The following SPDL1 variants were observed in gnomAD, a reference collection of about 807,000 sequenced individuals.
The protein encoded by SPDL1 is spindle apparatus coiled-coil protein 1.
Under a neutral mutation model 79.5 loss-of-function variants are expected in SPDL1, and 85 were observed. The ratio of observed to expected loss-of-function variants is 1.07; its 90% CI spans 0.90 to 1.28. The LOEUF (loss-of-function observed/expected upper bound fraction) is 1.28. Ranked by LOEUF, SPDL1 falls within the 50% of genes most tolerant of loss-of-function variation. The probability of loss-of-function intolerance (pLI) is 0.00; values close to 1 mark genes in which losing one functional copy is unlikely to be tolerated. For missense variants in SPDL1, 703 were observed against 697.8 expected, an observed-to-expected ratio of 1.01 and a Z score of -0.08; for synonymous variants, 269 against 240.3, an observed-to-expected ratio of 1.12 and a Z score of -1.10.
At chr5:169,600,194 C>G (rs1360120095) in intron 10 of SPDL1, among the ~76,000 whole-genome samples, 2 of 152,184 alleles carry the variant, frequency 1.3e-5, no homozygotes, top group African/African-American at 4.8e-5. Flanking sequence ...GCCTCAGTCT[C>G]TCTTCGTATT....
At position 169,603,971 on chromosome 5, in the gene SPDL1, CT is replaced by C. The variant is rs1756061808; in HGVS notation, c.1671-87del. On this transcript the variant is annotated intron_variant, in intron 11 of 11. Coordinates refer to ENST00000265295, the MANE Select transcript of SPDL1 (RefSeq NM_017785.5). Reference sequence around the variant, plus strand: ...TATTTTTTTTCCTTGAATACCATGCCTTATTGGAGGCCCATTATACTGGGGG... The same window carrying C: ...TATTTTTTTTCCTTGAATACCATGCCTATTGGAGGCCCATTATACTGGGGG... 9.3e-6 allele frequency: 13 copies of C among 1,404,514 alleles called. No homozygotes were observed. In the South Asian group the frequency reaches 1.5e-4, roughly 17 times the overall value. The allele number at this position is 1,404,514 out of a possible 1,614,324, so 87.0% of individuals were successfully genotyped here.
At position 169,602,333 on chromosome 5, in the gene SPDL1, C is replaced by T. The variant is rs576863653; in HGVS notation, c.1670+708C>T. Among the ~76,000 whole-genome samples, 41 of 152,070 alleles carry T rather than the reference C, an allele frequency of 2.7e-4. 3 individuals carry two copies. In the South Asian group the frequency reaches 8.1e-3, roughly 30 times the overall value. On this transcript the variant is annotated intron_variant, in intron 11 of 11. Coordinates refer to ENST00000265295, the MANE Select transcript of SPDL1 (RefSeq NM_017785.5). ...GGCTGAGGCTCGAGTTCTGGATGTG[C>T]GCAGCAGGAGAAGTGAATGAGGAAA...
chr5:169,601,737 T>A, intron 11 of SPDL1, 112 bp downstream of exon 11: 1 of 1,007,060 alleles, frequency 9.9e-7, no homozygotes, highest in Non-Finnish European at 1.5e-6. Flanking sequence ...TTGCATGCAG[T>A]ATAATTCCTC....
intron 3 of SPDL1, among the ~76,000 whole-genome samples, chr5:169,591,723 G>A (rs965719020): frequency 1.3e-5 from 2 of 152,176 alleles, no homozygotes; most frequent in East Asian, 3.8e-4. Flanking sequence ...CCATATACCA[G>A]ATGAAAGAGC....
intron 11 of SPDL1, chr5:169,602,144 ACT>A: frequency 5.9e-6 from 1 of 169,234 alleles, no homozygotes; most frequent in Non-Finnish European, 1.3e-5. Context: ...TGTTTCCAAA[ACT>A]TGAAAGCCTC....
chr5:169,604,105 A>C lies in SPDL1; in HGVS notation c.1716A>C (p.Lys572Asn). Residue 572 changes from lysine (K) to asparagine (N), a missense_variant, in exon 12 of 12, where the codon AAA becomes AAC. Coordinates refer to ENST00000265295, the MANE Select transcript of SPDL1 (RefSeq NM_017785.5). Reference sequence around the variant, plus strand: ...TTCAAACAGAAGTTAAAGAAGGAAAAGAAACTTCAAGCAAATTGGAAAAAG... The same window carrying C: ...TTCAAACAGAAGTTAAAGAAGGAAACGAAACTTCAAGCAAATTGGAAAAAG... Reference protein sequence around the residue: ...SKLQTEVKEGKETSSKLEKET... With the variant: ...SKLQTEVKEGNETSSKLEKET... 6.2e-7 allele frequency: 1 copy of C among 1,613,346 alleles called. No homozygotes were observed. The highest frequency in any genetic ancestry group is 8.5e-7 in the Non-Finnish European group (1 of 1,179,746).
rs1191999072 is a variant in SPDL1 at position 169,588,391 on chromosome 5, C to A, written c.-23-3C>A. 1.3e-6 allele frequency: 2 copies of A among 1,581,494 alleles called. No homozygotes were observed. Among genetic ancestry groups the A allele is most frequent in the Non-Finnish European group, 1.7e-6 (2 of 1,167,464 alleles). The stretch of plus-strand genomic sequence containing the variant: ...TAAGTAGTTTTATTTCCTCTATTTA[C>A]AGTTGGCTAAAAAAAAGAAAAGAAC... On this transcript the variant is annotated splice_region_variant and splice_polypyrimidine_tract_variant and intron_variant, in intron 1 of 11. Transcript: ENST00000265295.
chr5:169,588,286 T>C, intron 1 of SPDL1, 108 bp from the exon 2 acceptor site: 2 of 711,434 alleles, frequency 2.8e-6, no homozygotes, highest in East Asian at 3.0e-5. Flanking sequence ...AAAATTTTAA[T>C]GTTTTTATAC....
intron 1 of SPDL1, among the ~76,000 whole-genome samples, chr5:169,587,552 A>G (rs1755050390): frequency 6.6e-6 from 1 of 152,234 alleles, no homozygotes; most frequent in African/African-American, 2.4e-5. Flanking sequence ...TTTATGAATA[A>G]CTAGAAAAAT....
intron 1 of SPDL1, among the ~76,000 whole-genome samples, chr5:169,586,851 T>C (rs984751624): frequency 2.0e-5 from 3 of 152,128 alleles, no homozygotes; most frequent in African/African-American, 7.2e-5. Context: ...GCAGCCAAAA[T>C]GATTCTTTTA....
chr5:169,588,554 T>G lies in SPDL1; in HGVS notation c.138T>G (p.Asn46Lys). 1.9e-6 allele frequency: 3 copies of G among 1,612,894 alleles called. No individual in the cohort carries two copies. The highest frequency in any genetic ancestry group is 3.3e-5 in the Admixed American group (2 of 59,804). ...ELQNQLDKCRNEMMTMTESYE... is the reference protein window; with the variant it reads ...ELQNQLDKCRKEMMTMTESYE... ...AGAATCAATTGGATAAATGTCGTAA[T>G]GAAATGATGACCATGACTGAGGTAG... Residue 46 changes from asparagine to lysine, a missense_variant, in exon 2 of 12, where the codon AAT becomes AAG. Coordinates refer to ENST00000265295, the MANE Select transcript of SPDL1 (RefSeq NM_017785.5).
At position 169,599,161 on chromosome 5, in the gene SPDL1, T is replaced by C; in HGVS notation, c.1324+2T>C. 2 of 1,432,416 alleles carry C rather than the reference T, an allele frequency of 1.4e-6. No individual in the cohort carries two copies. The highest frequency in any genetic ancestry group is 1.9e-6 in the Non-Finnish European group (2 of 1,058,180). 88.7% of individuals were successfully genotyped at this position (1,432,416 alleles called of 1,614,324 possible). A position where few individuals can be genotyped will look rare whatever the true frequency, so the allele number is the denominator to read the frequency against. On this transcript the variant is annotated splice_donor_variant, in intron 10 of 11. Transcript: ENST00000265295. LOFTEE classifies it high-confidence loss of function. The stretch of plus-strand genomic sequence containing the variant: ...TGAAACTAAAATATGAACCTGAAGG[T>C]ATATATGTCTCATATATTTTTGTCT...
rs1554131978 is a variant in SPDL1, at chr5:169,601,560, C to T, written c.1605C>T (p.Leu535=). The change falls in exon 11 of 12, where the codon CTC becomes CTT. Residue 535 remains leucine (L), a synonymous_variant. Transcript: ENST00000265295. ...QLKKEKKCVK[L]IGVPADAEAL... ...AGAAGGAAAAGAAATGTGTGAAACT[C>T]ATAGGAGTTCCCGCTGACGCTGAGG... 2 of 1,614,206 alleles carry T rather than the reference C, an allele frequency of 1.2e-6. No individual in the cohort carries two copies. Among genetic ancestry groups the T allele is most frequent in the Non-Finnish European group, 1.7e-6 (2 of 1,180,040 alleles).
rs146797631 is a variant in SPDL1 at position 169,601,203 on chromosome 5, C to G, written c.1325-77C>G. On this transcript the variant is annotated intron_variant, in intron 10 of 11. Coordinates refer to ENST00000265295, the MANE Select transcript of SPDL1 (RefSeq NM_017785.5). ...AGAATGGAAAAAGGTATACATATAA[C>G]TAGTTCTGGCTTCTTGTGTTGATTG... The G allele has an allele frequency of 1.0e-5, 13 of 1,293,978 alleles. No homozygotes were observed. In the South Asian group the frequency reaches 1.8e-4, roughly 17 times the overall value. 80.2% of individuals were successfully genotyped at this position (1,293,978 alleles called of 1,614,324 possible).
At chr5:169,587,593 T>G (rs547260424) in intron 1 of SPDL1, among the ~76,000 whole-genome samples, 1 of 152,362 alleles carries the variant, frequency 6.6e-6, no homozygotes, top group South Asian at 2.1e-4. Flanking sequence ...GAAAGCAGAT[T>G]TAATATATTC....
rs1756099831 is a variant in SPDL1, at chr5:169,604,758, C to G, written c.*551C>G. 6.6e-6 allele frequency: 1 copy of G among 152,066 alleles called. No homozygotes were observed. The highest frequency in any genetic ancestry group is 2.1e-4 in the South Asian group (1 of 4,828). 9.4% of individuals were successfully genotyped at this position (152,066 alleles called of 1,614,324 possible). On this transcript the variant is annotated 3_prime_UTR_variant, in exon 12 of 12. Transcript: ENST00000265295. ...ATTTTGTCTAAAATTTTAAATAAAA[C>G]TGCAGTGATTTATCCTTAAATTTCT...
At chr5:169,602,284 T>C (rs2113396649) in intron 11 of SPDL1, among the ~76,000 whole-genome samples, 1 of 152,224 alleles carries the variant, frequency 6.6e-6, no homozygotes, top group South Asian at 2.1e-4. Flanking sequence ...AGAAAGTGAA[T>C]GGAAGGGAAA....
chr5:169,604,176 C>G lies in SPDL1; in HGVS notation c.1787C>G (p.Ser596Cys), dbSNP rs781224343. 1 of 1,606,402 alleles carries G rather than the reference C, an allele frequency of 6.2e-7. No homozygotes were observed. The highest frequency in any genetic ancestry group is 8.5e-7 in the Non-Finnish European group (1 of 1,177,364). ...CCTATTCTATATGTGTCTTCTAAAT[C>G]TACTCCAGAGACCCAGTGCCCTCAA... is the stretch of plus-strand genomic sequence containing the variant. ...LHPILYVSSK[S>C]TPETQCPQQ The change falls in exon 12 of 12, where the codon TCT (serine) becomes TGT (cysteine). Residue 596 changes from serine to cysteine, a missense_variant. By Grantham distance (112) the Ser-to-Cys change is moderately radical. Transcript: ENST00000265295.
rs749690829 is a variant in SPDL1 at position 169,599,057 on chromosome 5, C to G, written c.1222C>G (p.Arg408Gly). The change falls in exon 10 of 12, where the codon CGA becomes GGA. Residue 408 changes from arginine (R) to glycine (G), a missense_variant. Transcript: ENST00000265295. Reference protein sequence around the residue: ...FESQRALDIERKLFANERCLQ... With the variant: ...FESQRALDIEGKLFANERCLQ... ...GAGCCAGCGGGCTCTAGATATTGAGCGAAAACTTTTTGCAAATGAAAGATG... is the reference window on the plus strand; with the variant it reads ...GAGCCAGCGGGCTCTAGATATTGAGGGAAAACTTTTTGCAAATGAAAGATG... 4 of 1,600,716 alleles carry G rather than the reference C, an allele frequency of 2.5e-6. No homozygotes were observed. Among genetic ancestry groups the G allele is most frequent in the Non-Finnish European group, 3.4e-6 (4 of 1,170,182 alleles).
Sources: allele counts gnomAD v4.1 joint callset (sites outside exome capture counted in the v4.1 genomes callset), GRCh38; gene constraint gnomAD v4.1.1; transcripts MANE v1.5; gene names NCBI Gene and HGNC (gene_info 2026-07-23, HGNC 2026-07-21).